GRAP2: variants seen among roughly 807,000 people sequenced by gnomAD.
The protein encoded by GRAP2 is GRB2-related adapter protein 2.
Under a neutral mutation model 43.5 loss-of-function variants are expected in GRAP2, and 31 were observed. The ratio of observed to expected loss-of-function variants is 0.71; its 90% confidence interval spans 0.54 to 0.96. The LOEUF (loss-of-function observed/expected upper bound fraction) is 0.96, where lower values mean the gene tolerates loss of function less well. Among genes scored for constraint, GRAP2 ranks in the 40% least tolerant of loss-of-function variants. The pLI is 0.00. For synonymous variants in GRAP2, 156 were observed against 164.8 expected (o/e 0.95, Z 0.41); for missense variants, 371 against 424.4 (o/e 0.87, Z 1.11).
chr22:39,914,393 G>A (rs1424265415), intron 1 of GRAP2, among the ~76,000 whole-genome samples: 1 of 152,100 alleles, frequency 6.6e-6, no homozygotes, highest in African/African-American at 2.4e-5. Context: ...ACCATCAAAT[G>A]GGATAGCTCT....
At chr22:39,907,701 C>T (rs978243020) in intron 1 of GRAP2, among the ~76,000 whole-genome samples, 6 of 151,532 alleles carry the variant, frequency 4.0e-5, no homozygotes, top group Admixed American at 2.6e-4. Context: ...GTGTTCACAC[C>T]GCTACACTCC....
chr22:39,912,017 C>T (rs1419673470), intron 1 of GRAP2, among the ~76,000 whole-genome samples: 2 of 152,206 alleles, frequency 1.3e-5, no homozygotes, highest in African/African-American at 4.8e-5. Flanking sequence ...AACTTACAAA[C>T]TTCCATTTGG....
At chr22:39,958,787 G>A (rs890537946) in intron 3 of GRAP2, among the ~76,000 whole-genome samples, 1 of 152,188 alleles carries the variant, frequency 6.6e-6, no homozygotes, top group South Asian at 2.1e-4. Context: ...TTTCCCACAC[G>A]TGGCAGTGGT....
intron 1 of GRAP2, among the ~76,000 whole-genome samples, chr22:39,936,337 T>C (rs1034538963): frequency 2.6e-5 from 4 of 152,150 alleles, no homozygotes; most frequent in Non-Finnish European, 4.4e-5. Flanking sequence ...ACAATTGTTA[T>C]TGCTTTAGGA....
chr22:39,930,763 C>A (rs2066748319), intron 1 of GRAP2, among the ~76,000 whole-genome samples: 1 of 152,186 alleles, frequency 6.6e-6, no homozygotes, highest in South Asian at 2.1e-4. Context: ...GCCCCCAGTC[C>A]AATCACTGAT....
chr22:39,894,804 G>A, the GRAP2 span, among the ~76,000 whole-genome samples: 1 of 152,322 alleles, frequency 6.6e-6, no homozygotes. Flanking sequence ...GAGGTGACAG[G>A]CACCGTCAGA....
At chr22:39,968,571 C>A (rs1457567561) in intron 6 of GRAP2, 4 of 470,288 alleles carry the variant, frequency 8.5e-6, no homozygotes, top group African/African-American at 5.9e-5. Flanking sequence ...CCTATCAGCA[C>A]AATTCCAAAT....
intron 1 of GRAP2, among the ~76,000 whole-genome samples, chr22:39,938,281 G>C (rs1270637467): frequency 2.0e-5 from 3 of 152,226 alleles, no homozygotes; most frequent in Non-Finnish European, 4.4e-5. Context: ...ATAATCCACA[G>C]TGACAGACAG....
At chr22:39,966,534 T>C (rs1380727068) in intron 5 of GRAP2, among the ~76,000 whole-genome samples, 1 of 152,198 alleles carries the variant, frequency 6.6e-6, no homozygotes, top group African/African-American at 2.4e-5. Flanking sequence ...ACCAAAGTTT[T>C]CAACCTAGCT....
In GRAP2 at chr22:39,955,803, C is replaced by G. The variant is rs1283518221; in HGVS notation, c.79-16C>G. Reference sequence around the variant, plus strand: ...CCTCCCTCCAATGTCTTTGTCTTTCCTTTTCTTCCATGTAGATTTTAAGTA... The same window carrying G: ...CCTCCCTCCAATGTCTTTGTCTTTCGTTTTCTTCCATGTAGATTTTAAGTA... On this transcript the variant is annotated splice_polypyrimidine_tract_variant and intron_variant, in intron 2 of 7. Coordinates refer to ENST00000344138, the MANE Select transcript of GRAP2 (RefSeq NM_004810.4). 1 of 1,379,808 alleles carries G rather than the reference C, an allele frequency of 7.2e-7. No individual in the cohort carries two copies. Among genetic ancestry groups the G allele is most frequent in the African/African-American group, 1.4e-5 (1 of 70,548 alleles). The allele number at this position is 1,379,808 out of a possible 1,614,324, so 85.5% of individuals were successfully genotyped here.
At chr22:39,951,804 T>A (rs965702640) in intron 2 of GRAP2, among the ~76,000 whole-genome samples, 1 of 151,126 alleles carries the variant, frequency 6.6e-6, no homozygotes, top group African/African-American at 2.5e-5. Context: ...AAAATGAGAA[T>A]TTTTTTTAAA....
intron 1 of GRAP2, among the ~76,000 whole-genome samples, chr22:39,931,357 AAAGAGAG>A (rs1302193737): frequency 6.6e-6 from 1 of 152,218 alleles, no homozygotes; most frequent in Non-Finnish European, 1.5e-5. Flanking sequence ...AAAGGCTATT[AAAGAGAG>A]AAGATCATTC....
the GRAP2 span, chr22:39,893,983 A>G: frequency 6.6e-6 from 1 of 151,418 alleles, no homozygotes; most frequent in African/African-American, 2.4e-5. Flanking sequence ...GAGATCTGGG[A>G]AATAGTTTAA....
intron 1 of GRAP2, among the ~76,000 whole-genome samples, chr22:39,946,274 C>T (rs1284754061): frequency 6.6e-6 from 1 of 152,186 alleles, no homozygotes. Flanking sequence ...CAAGAGTCTA[C>T]AGCTATCTAC....
At chr22:39,894,636 A>G in the GRAP2 span, among the ~76,000 whole-genome samples, 1 of 152,226 alleles carries the variant, frequency 6.6e-6, no homozygotes, top group Non-Finnish European at 1.5e-5. Flanking sequence ...TGTGATGGAC[A>G]ATGATGGGGT....
chr22:39,909,925 T>C (rs2066547946), intron 1 of GRAP2, among the ~76,000 whole-genome samples: 1 of 151,958 alleles, frequency 6.6e-6, no homozygotes, highest in Non-Finnish European at 1.5e-5. Flanking sequence ...CAACAAAGAG[T>C]CAGAAGAGCC....
At position 39,971,522 on chromosome 22, in the gene GRAP2, G is replaced by A. The variant is rs570348223; in HGVS notation, c.*438G>A. ...ACGTTCTAGCTGACCTGCAAGCCCC[G>A]CTCACCTGGAGGGCTTGCAGAGCAG... On this transcript the variant is annotated 3_prime_UTR_variant, in exon 8 of 8. Transcript: ENST00000344138. 25 of 164,384 alleles carry A rather than the reference G, an allele frequency of 1.5e-4. 1 individual carries two copies. In the South Asian group the frequency reaches 3.6e-3, roughly 24 times the overall value. The allele number at this position is 164,384 out of a possible 1,614,324, so 10.2% of individuals were successfully genotyped here.
chr22:39,945,375 G>A (rs1410950659), intron 1 of GRAP2, among the ~76,000 whole-genome samples: 1 of 152,170 alleles, frequency 6.6e-6, no homozygotes, highest in African/African-American at 2.4e-5. Context: ...AGAGAAATGA[G>A]CCCCTTGCTA....
intron 5 of GRAP2, 105 bp from the exon 6 acceptor site, chr22:39,967,937 T>A: frequency 1.4e-6 from 2 of 1,423,764 alleles, no homozygotes; most frequent in Non-Finnish European, 1.9e-6. Flanking sequence ...CAGCTATTTC[T>A]TGGAGCCAGA....
Sources: allele counts gnomAD v4.1 joint callset (sites outside exome capture counted in the v4.1 genomes callset), GRCh38; gene constraint gnomAD v4.1.1; transcripts MANE v1.5; gene names NCBI Gene and HGNC (gene_info 2026-07-23, HGNC 2026-07-21).